Variants in RRAS2 observed in about 807,000 individuals in gnomAD.
RRAS2 encodes RAS related 2.
In RRAS2, 7 loss-of-function variants were observed where a neutral mutation model predicts 27.6. The ratio of observed to expected loss-of-function variants is 0.25; its 90% CI spans 0.14 to 0.48. The LOEUF is 0.48. Among genes scored for constraint, RRAS2 ranks in the 20% least tolerant of loss-of-function variants. The pLI, the probability that RRAS2 is intolerant of heterozygous loss-of-function variation, is 0.99. For synonymous variants in RRAS2, 86 were observed against 90.9 expected (o/e 0.95, Z 0.31); for missense variants, 178 against 256.2 (o/e 0.69, Z 2.08).
intron 1 of RRAS2, among the ~76,000 whole-genome samples, chr11:14,334,023 C>T (rs1314302504): frequency 6.6e-6 from 1 of 152,186 alleles, no homozygotes; most frequent in East Asian, 1.9e-4. Context: ...TTATTGACCA[C>T]ATAGGTGATT....
At chr11:14,359,756 G>T (rs541585066), upstream of RRAS2, among the ~76,000 whole-genome samples, 1 of 152,286 alleles carries the variant, frequency 6.6e-6, no homozygotes, top group South Asian at 2.1e-4. Flanking sequence ...TGACAAATGT[G>T]CAGTAATTGG....
chr11:14,323,395 G>A (rs1350146572), intron 1 of RRAS2, among the ~76,000 whole-genome samples: 2 of 151,872 alleles, frequency 1.3e-5, no homozygotes, highest in Non-Finnish European at 2.9e-5. Context: ...GAGGTGGATG[G>A]TGCAGCAAAG....
chr11:14,334,561 T>C (rs1047946823), intron 1 of RRAS2, among the ~76,000 whole-genome samples: 25 of 149,700 alleles, frequency 1.7e-4, no homozygotes, highest in South Asian at 8.5e-4. Context: ...CACACACACA[T>C]AATGGATTAG....
At chr11:14,310,209 G>A (rs1331752442) in intron 1 of RRAS2, among the ~76,000 whole-genome samples, 1 of 152,210 alleles carries the variant, frequency 6.6e-6, no homozygotes, top group Admixed American at 6.5e-5. Context: ...ACAGGCTGGT[G>A]GGGTAGAGAA....
chr11:14,325,049 T>C (rs1554950818), intron 1 of RRAS2, among the ~76,000 whole-genome samples: 1 of 152,168 alleles, frequency 6.6e-6, no homozygotes, highest in Non-Finnish European at 1.5e-5. Context: ...AAGTTTTACA[T>C]TAAGATGCTA....
Position 14,358,647 on chromosome 11 carries a change from CGGCCCG to C in RRAS2, c.108+110_108+115del. The C allele has an allele frequency of 3.1e-6, 3 of 975,900 alleles. No individual in the cohort carries two copies. The highest frequency in any genetic ancestry group is 1.8e-5 in the African/African-American group (1 of 56,872). The allele number at this position is 975,900 out of a possible 1,614,324, so 60.5% of individuals were successfully genotyped here. ...CCCGCGCCCTCCCGCCCCCTGGCCC[CGGCCCG>C]GGCCCGCGAGGCGCCTCTGGGGCGA... On this transcript the variant is annotated intron_variant, in intron 1 of 5. Coordinates refer to ENST00000256196, the MANE Select transcript of RRAS2 (RefSeq NM_012250.6). This position sits in a 1 kb window ranked among gnomAD's most constrained non-coding sequence, Gnocchi z 5.1.
rs551390875 is a variant in RRAS2 at position 14,290,455 on chromosome 11, A to T, written c.408+4016T>A. Among the ~76,000 whole-genome samples the T allele has an allele frequency of 8.3e-4, 126 of 151,804 alleles. 1 individual carries two copies. Among genetic ancestry groups the T allele is most frequent in the African/African-American group, 3.0e-3 (123 of 41,312 alleles). ...CAAAGCAAGACCCGTTTCAGGGGGG[A>T]AAAAAAAGGTAAAAACCTCTACTAT... is the stretch of plus-strand genomic sequence containing the variant. On this transcript the variant is annotated intron_variant, in intron 4 of 5. Coordinates refer to ENST00000256196, the MANE Select transcript of RRAS2 (RefSeq NM_012250.6).
chr11:14,360,301 A>G (rs1849173841), upstream of RRAS2, among the ~76,000 whole-genome samples: 1 of 152,104 alleles, frequency 6.6e-6, no homozygotes, highest in South Asian at 2.1e-4. Flanking sequence ...CGAGCCTTCC[A>G]ATGACGGCAT....
chr11:14,331,448 T>C (rs1848477997), intron 1 of RRAS2, among the ~76,000 whole-genome samples: 1 of 152,028 alleles, frequency 6.6e-6, no homozygotes, highest in Non-Finnish European at 1.5e-5. Flanking sequence ...TTATATAACT[T>C]ATCCAAAAAA....
At chr11:14,308,803 T>TC (rs1443841405) in intron 1 of RRAS2, among the ~76,000 whole-genome samples, 1 of 152,104 alleles carries the variant, frequency 6.6e-6, no homozygotes, top group Non-Finnish European at 1.5e-5. Context: ...GCACACAGAC[T>TC]CCCCCTTCAG....
intron 1 of RRAS2, among the ~76,000 whole-genome samples, chr11:14,348,963 C>G (rs932719311): frequency 7.2e-5 from 11 of 151,966 alleles, no homozygotes; most frequent in African/African-American, 2.7e-4. Flanking sequence ...CTACATACTT[C>G]TTTTTTTGTT....
chr11:14,361,342 G>A (rs1229595561), upstream of RRAS2, among the ~76,000 whole-genome samples: 1 of 151,888 alleles, frequency 6.6e-6, no homozygotes, highest in East Asian at 1.9e-4. Context: ...CATCACTCCC[G>A]ACCCTTATTG....
At chr11:14,314,972 C>A (rs1848064007) in intron 1 of RRAS2, among the ~76,000 whole-genome samples, 1 of 152,204 alleles carries the variant, frequency 6.6e-6, no homozygotes, top group Non-Finnish European at 1.5e-5. Flanking sequence ...CAGGAGCCAC[C>A]ATGCCCAGCC....
intron 1 of RRAS2, chr11:14,354,624 C>T (rs1180224970): frequency 6.7e-6 from 1 of 149,004 alleles, no homozygotes; most frequent in Non-Finnish European, 1.5e-5. Context: ...TTTGGAGGAA[C>T]ACCAAGATAC....
In RRAS2 at chr11:14,299,546, T is replaced by C. The variant is rs1342699727; in HGVS notation, c.109-3691A>G. On this transcript the variant is annotated intron_variant, in intron 1 of 5. Coordinates refer to ENST00000256196, the MANE Select transcript of RRAS2 (RefSeq NM_012250.6). ...AAAGCCCTCCAGGTTTTATGTAGTA[T>C]GCAAAGCCATCCAGTTTGATCTGTG... Among the ~76,000 whole-genome samples the C allele has an allele frequency of 2.6e-5, 4 of 152,342 alleles. 1 individual carries two copies. In the Middle Eastern group the frequency reaches 0.01, roughly 389 times the overall value.
rs1486966212 is a variant in RRAS2 at position 14,326,953 on chromosome 11, T to C, written c.109-31098A>G. The stretch of plus-strand genomic sequence containing the variant: ...GCGGGCGCCTGTAGTCCCAGCTACT[T>C]GGCAGGCTGAGGCAGGAGAATGGCG... On this transcript the variant is annotated intron_variant, in intron 1 of 5. Coordinates refer to ENST00000256196, the MANE Select transcript of RRAS2 (RefSeq NM_012250.6). 3.4e-5 allele frequency among the ~76,000 whole-genome samples: 2 copies of C among 59,522 alleles called. 1 individual carries two copies. The highest frequency in any genetic ancestry group is 4.3e-4 in the Admixed American group (2 of 4,690). The allele number at this position is 59,522 out of a possible 152,430, so 39.0% of individuals were successfully genotyped here.
Position 14,295,851 on chromosome 11 carries a change from T to C in RRAS2, c.113A>G (p.Tyr38Cys). 1 of 1,612,510 alleles carries C rather than the reference T, an allele frequency of 6.2e-7. No individual in the cohort carries two copies. Among genetic ancestry groups the C allele is most frequent in the Non-Finnish European group, 8.5e-7 (1 of 1,179,472 alleles). Residue 38 changes from tyrosine (Y) to cysteine (C), a missense_variant, in exon 2 of 6, where the codon TAT (tyrosine) becomes TGT (cysteine). Coordinates refer to ENST00000256196, the MANE Select transcript of RRAS2 (RefSeq NM_012250.6). ...GGTTGGATCATAATCCGTTACAAAA[T>C]AGGACTGCAAGAAAAGAAAAAACTT... ...SALTIQFIQSYFVTDYDPTIE... is the reference protein window; with the variant it reads ...SALTIQFIQSCFVTDYDPTIE...
At chr11:14,341,843 G>A in intron 1 of RRAS2, 1 of 454,150 alleles carries the variant, frequency 2.2e-6, no homozygotes, top group South Asian at 1.6e-5. Flanking sequence ...TTTGTAATAT[G>A]ATTGAAGACT....
upstream of RRAS2, among the ~76,000 whole-genome samples, chr11:14,361,011 T>C (rs1163317754): frequency 2.7e-5 from 4 of 149,934 alleles, no homozygotes; most frequent in African/African-American, 9.9e-5. Context: ...AAAATAAAAT[T>C]GTAGTGGCTC....
Sources: gnomAD v4.1 joint callset for allele counts (sites outside exome capture counted in the v4.1 genomes callset) on GRCh38, gnomAD v4.1.1 for gene constraint, Gnocchi (gnomAD v3.1) non-coding constraint, MANE v1.5 for transcripts, NCBI Gene and HGNC (gene_info 2026-07-23, HGNC 2026-07-21) for gene names.